The following NPC1L1 variants were observed in gnomAD, a reference collection of about 807,000 sequenced individuals.
NPC1L1 encodes the protein NPC1 like intracellular cholesterol transporter 1.
In NPC1L1, 98 loss-of-function variants were observed where a neutral mutation model predicts 117.0. The observed-to-expected ratio is 0.84, with a 90% confidence interval of 0.71 to 0.99. The LOEUF (loss-of-function observed/expected upper bound fraction) is 0.99. Ranked by LOEUF, NPC1L1 falls within the 50% of genes least tolerant of loss-of-function variation. NPC1L1 has a pLI of 0.00. For synonymous variants in NPC1L1, 729 were observed against 727.6 expected (o/e 1.00, Z -0.03); for missense variants, 1,540 against 1,710.0 (o/e 0.90, Z 1.75).
At chr7:44,521,163 C>T in intron 12 of NPC1L1, 45 bp from the exon 13 acceptor site, 1 of 1,613,098 alleles carries the variant, frequency 6.2e-7, no homozygotes, top group Non-Finnish European at 8.5e-7. Flanking sequence ...CCAGGGCCAG[C>T]AGCTCCTGCT....
chr7:44,515,789 G>T lies in NPC1L1; in HGVS notation c.3796+14C>A. On this transcript the variant is annotated intron_variant, in intron 18 of 18. Coordinates refer to ENST00000381160, the MANE Select transcript of NPC1L1 (RefSeq NM_001101648.2). ...AATCATGACAGTCTGGTAGGAACAG[G>T]CCTGGGCACTCACCCACGTAGCTGA... is the stretch of plus-strand genomic sequence containing the variant. 1 of 1,614,146 alleles carries T rather than the reference G, an allele frequency of 6.2e-7. No homozygotes were observed. The highest frequency in any genetic ancestry group is 8.5e-7 in the Non-Finnish European group (1 of 1,180,020).
intron 14 of NPC1L1, 137 bp from the exon 15 acceptor site, chr7:44,517,494 T>G: frequency 8.9e-7 from 1 of 1,124,394 alleles, no homozygotes; most frequent in Non-Finnish European, 1.3e-6. Context: ...CCATTTGAAA[T>G]TCTTAGTAAA....
rs1225099040 is a variant in NPC1L1 at position 44,536,583 on chromosome 7, A to T, written c.1682-155T>A. Among the ~76,000 whole-genome samples, 1 of 145,316 alleles carries T rather than the reference A, an allele frequency of 6.9e-6. No individual in the cohort carries two copies. Among genetic ancestry groups the T allele is most frequent in the Non-Finnish European group, 1.5e-5 (1 of 67,268 alleles). On this transcript the variant is annotated intron_variant, in intron 3 of 18. Coordinates refer to ENST00000381160, the MANE Select transcript of NPC1L1 (RefSeq NM_001101648.2). This position sits in a 1 kb window ranked among gnomAD's most constrained non-coding sequence, Gnocchi z 4.7. ...CCTTCCTCATCTGATACATGGCCTTACCTCCTACACCCCACTTCTCTCAGC... is the reference window on the plus strand; with the variant it reads ...CCTTCCTCATCTGATACATGGCCTTTCCTCCTACACCCCACTTCTCTCAGC...
At chr7:44,517,128 T>G in intron 15 of NPC1L1, 79 bp downstream of exon 15, 1 of 1,595,478 alleles carries the variant, frequency 6.3e-7, no homozygotes, top group Non-Finnish European at 8.6e-7. Context: ...ATGCAACTCC[T>G]TGCAAGCCCT....
rs149782907 is a variant in NPC1L1 at position 44,521,745 on chromosome 7, G to A, written c.2920C>T (p.Pro974Ser). 1.8e-3 allele frequency: 2,839 copies of A among 1,614,140 alleles called. 10 individuals carry two copies. Among genetic ancestry groups the A allele is most frequent in the African/African-American group, 0.013 (951 of 75,010 alleles). The change falls in exon 12 of 19, where the codon CCC becomes TCC. Residue 974 changes from proline (P) to serine (S), a missense_variant. By Grantham distance (74) the Pro-to-Ser change is moderately conservative (BLOSUM62 -1). This residue lies in a region of NPC1L1 where 742 missense variants were observed against 873.6 expected (regional missense o/e 0.85). Transcript: ENST00000381160. ...GAGGGGCAGAACTTGTCCTTATTGG[G>A]GCCAGATATATAAAGGCGGCAGCAG... is the stretch of plus-strand genomic sequence containing the variant. The part of the protein sequence containing the change: ...SSCCRLYISG[P>S]NKDKFCPSTV...
At position 44,539,753 on chromosome 7, in the gene NPC1L1, G is replaced by A. The variant is rs747503571; in HGVS notation, c.644C>T (p.Pro215Leu). 5 of 1,614,072 alleles carry A rather than the reference G, an allele frequency of 3.1e-6. No individual in the cohort carries two copies. The highest frequency in any genetic ancestry group is 4.5e-5 in the East Asian group (2 of 44,902). ...FQGDTGNGLA[P>L]LDITFHLLEP... ...CAAGAGGTGGAAGGTGATGTCCAGT[G>A]GGGCCAGACCATTGCCTGTGTCTCC... The change falls in exon 2 of 19, where the codon CCA becomes CTA. Residue 215 changes from proline (P) to leucine (L), a missense_variant. Transcript: ENST00000381160. The surrounding 1 kb of genome is among the most constrained non-coding windows in gnomAD (Gnocchi z 4.4).
chr7:44,513,373 G>T lies in NPC1L1; in HGVS notation c.*74C>A. On this transcript the variant is annotated 3_prime_UTR_variant, in exon 19 of 19. Transcript: ENST00000381160. ...AGGATTTGAGGAGGGCGTGTGTCAAGGGGCAGTCACAAGGAAGATCCCCAT... is the reference window on the plus strand; with the variant it reads ...AGGATTTGAGGAGGGCGTGTGTCAATGGGCAGTCACAAGGAAGATCCCCAT... 1.4e-6 allele frequency: 2 copies of T among 1,405,404 alleles called. No individual in the cohort carries two copies. The highest frequency in any genetic ancestry group is 2.0e-6 in the Non-Finnish European group (2 of 991,954). 87.1% of individuals were successfully genotyped at this position (1,405,404 alleles called of 1,614,324 possible).
chr7:44,539,036 A>C lies in NPC1L1; in HGVS notation c.1361T>G (p.Leu454Arg), dbSNP rs765235406. 20 of 1,613,930 alleles carry C rather than the reference A, an allele frequency of 1.2e-5. No individual in the cohort carries two copies. Among genetic ancestry groups the C allele is most frequent in the Non-Finnish European group, 1.7e-5 (20 of 1,179,984 alleles). The change falls in exon 2 of 19, where the codon CTC (leucine) becomes CGC (arginine). Residue 454 changes from leucine (L) to arginine (R), a missense_variant. Coordinates refer to ENST00000381160, the MANE Select transcript of NPC1L1 (RefSeq NM_001101648.2). The surrounding 1 kb of genome is among the most constrained non-coding windows in gnomAD (Gnocchi z 4.4). ...CTGTGCTTCGGGCGACCATACCTGGAGGTGCCGCAGCCTCTCCTGCAGCTC... is the reference window on the plus strand; with the variant it reads ...CTGTGCTTCGGGCGACCATACCTGGCGGTGCCGCAGCCTCTCCTGCAGCTC... ...LLELQERLRH[L>R]QVWSPEAQRN...
At position 44,536,268 on chromosome 7, in the gene NPC1L1, C is replaced by T. The variant is rs141472794; in HGVS notation, c.1842G>A (p.Thr614=). 18 of 1,613,772 alleles carry T rather than the reference C, an allele frequency of 1.1e-5. No homozygotes were observed. The highest frequency in any genetic ancestry group is 2.7e-5 in the African/African-American group (2 of 74,930). The part of the protein sequence containing the change: ...QRRMAGMFQV[T]FMAERSLEDE... ...CTGCAGCCCCTACCTCAGCCATGAA[C>T]GTGACCTGGAACATGCCAGCCATCC... The change falls in exon 4 of 19, where the codon ACG becomes ACA. Residue 614 remains threonine (T), a synonymous_variant. Transcript: ENST00000381160. This position sits in a 1 kb window ranked among gnomAD's most constrained non-coding sequence, Gnocchi z 4.7.
chr7:44,538,787 C>A lies in NPC1L1; in HGVS notation c.1580+30G>T. The stretch of plus-strand genomic sequence containing the variant: ...GCAGCCCAGCCCCAGCCCCAGCCCA[C>A]TCCTCGCTTGGGCCCCACCATGGAC... On this transcript the variant is annotated intron_variant, in intron 2 of 18. Coordinates refer to ENST00000381160, the MANE Select transcript of NPC1L1 (RefSeq NM_001101648.2). This position sits in a 1 kb window ranked among gnomAD's most constrained non-coding sequence, Gnocchi z 5.9. The A allele has an allele frequency of 2.5e-6, 4 of 1,610,840 alleles. No individual in the cohort carries two copies. The highest frequency in any genetic ancestry group is 3.4e-6 in the Non-Finnish European group (4 of 1,177,424).
intron 14 of NPC1L1, among the ~76,000 whole-genome samples, chr7:44,520,204 C>T (rs148825701): frequency 0.15 from 22,734 of 151,852 alleles, 2,213 homozygotes; most frequent in Non-Finnish European, 0.21. Context: ...CGCTTGAACC[C>T]GGAAAGTGGA....
chr7:44,513,477 G>C lies in NPC1L1; in HGVS notation c.3969C>G (p.Asn1323Lys). ...GSIKGAGAIS[N>K]FLPNNGRQF is the part of the protein sequence containing the mutation. ...ACTGCCGCCCATTGTTGGGCAAGAA[G>C]TTGCTGATGGCACCAGCACCTTTGA... The change falls in exon 19 of 19, where the codon AAC (asparagine) becomes AAG (lysine). Residue 1323 changes from asparagine (N) to lysine (K), a missense_variant. Around this residue, in one of 3 missense-constraint regions of NPC1L1, gnomAD observed 742 missense variants for 873.6 expected, o/e 0.85. Transcript: ENST00000381160. The C allele has an allele frequency of 6.2e-7, 1 of 1,614,216 alleles. No homozygotes were observed. Among genetic ancestry groups the C allele is most frequent in the Non-Finnish European group, 8.5e-7 (1 of 1,180,022 alleles).
In NPC1L1 at chr7:44,536,050, C is replaced by T. The variant is rs1562568338; in HGVS notation, c.1855-82G>A. 1 of 1,606,246 alleles carries T rather than the reference C, an allele frequency of 6.2e-7. No homozygotes were observed. The highest frequency in any genetic ancestry group is 2.2e-5 in the East Asian group (1 of 44,808). On this transcript the variant is annotated intron_variant, in intron 4 of 18. Coordinates refer to ENST00000381160, the MANE Select transcript of NPC1L1 (RefSeq NM_001101648.2). This position sits in a 1 kb window ranked among gnomAD's most constrained non-coding sequence, Gnocchi z 4.7. ...CTCTCAATAGCTCGGTCACTGGGCA[C>T]TAATTGTGTGTTGTGTCATAGGGCC...
chr7:44,528,939 C>T (rs1331249303), intron 10 of NPC1L1, among the ~76,000 whole-genome samples: 2 of 151,938 alleles, frequency 1.3e-5, no homozygotes, highest in Admixed American at 1.3e-4. Context: ...GGCATGGTGG[C>T]ATGCACCTAT....
At position 44,537,610 on chromosome 7, in the gene NPC1L1, C is replaced by G. The variant is rs145176090; in HGVS notation, c.1581-668G>C. Reference sequence around the variant, plus strand: ...ACACCTGAGCAAAGCTCTCTACCCCCCTCTCTCAGATCTCAGCAAGCGAGT... The same window carrying G: ...ACACCTGAGCAAAGCTCTCTACCCCGCTCTCTCAGATCTCAGCAAGCGAGT... On this transcript the variant is annotated intron_variant, in intron 2 of 18. Transcript: ENST00000381160. Among the ~76,000 whole-genome samples the G allele has an allele frequency of 3.5e-3, 538 of 152,330 alleles. 4 individuals carry two copies. The highest frequency in any genetic ancestry group is 0.012 in the African/African-American group (485 of 41,574).
At chr7:44,515,780 T>C (rs1307673513) in intron 18 of NPC1L1, 23 bp downstream of exon 18, 2 of 1,613,982 alleles carry the variant, frequency 1.2e-6, no homozygotes, top group Middle Eastern at 1.7e-4. Flanking sequence ...GACAGTCTGG[T>C]AGGAACAGGC....
chr7:44,513,786 T>G (rs1801110421), intron 18 of NPC1L1, 137 bp from the exon 19 acceptor site: 2 of 945,332 alleles, frequency 2.1e-6, no homozygotes, highest in Non-Finnish European at 3.3e-6. Context: ...CCAGGGTCAC[T>G]ATGTTCACAG....
chr7:44,520,607 T>C (rs1801322960), intron 14 of NPC1L1, among the ~76,000 whole-genome samples, 158 bp downstream of exon 14: 1 of 152,116 alleles, frequency 6.6e-6, no homozygotes, highest in Non-Finnish European at 1.5e-5. Context: ...GTCTGAGATG[T>C]GGAGCTGGGA....
At chr7:44,526,853 G>A (rs1422619155) in intron 10 of NPC1L1, among the ~76,000 whole-genome samples, 13 of 149,856 alleles carry the variant, frequency 8.7e-5, no homozygotes, top group East Asian at 2.0e-4. Flanking sequence ...GTAAAACCCC[G>A]TCTCTATTAA....
Sources: gnomAD v4.1 joint callset for allele counts (sites outside exome capture counted in the v4.1 genomes callset) on GRCh38, gnomAD v4.1.1 for gene constraint, gnomAD v4.1.1 regional missense constraint, Gnocchi (gnomAD v3.1) non-coding constraint, MANE v1.5 for transcripts, NCBI Gene and HGNC (gene_info 2026-07-23, HGNC 2026-07-21) for gene names.